The following NID2 variants were observed in gnomAD, a reference collection of about 807,000 sequenced individuals.
The protein encoded by NID2 is nidogen-2.
Under a neutral mutation model 145.4 loss-of-function variants are expected in NID2, and 83 were observed. That is an observed-to-expected ratio of 0.57 (90% CI 0.48 to 0.69). The LOEUF (loss-of-function observed/expected upper bound fraction) is 0.69, where lower values mean the gene tolerates loss of function less well. Among genes scored for constraint, NID2 ranks in the 30% least tolerant of loss-of-function variants. The pLI is 0.00. For synonymous variants in NID2, 739 were observed against 701.3 expected (o/e 1.05, Z -0.85); for missense variants, 1,807 against 1,765.7 (o/e 1.02, Z -0.42).
Position 52,040,835 on chromosome 14 carries a change from A to G in NID2, c.1842T>C (p.His614=). The change falls in exon 8 of 22, where the codon CAT becomes CAC. Residue 614 remains histidine (H), a synonymous_variant. Transcript: ENST00000216286. ...GFSLAGAAFT[H]DMEVTFYPGE... is the part of the protein sequence containing the mutation. ...CCGGGTAGAATGTAACTTCCATGTC[A>G]TGGGTAAAGGCAGCACCTGGAGATG... The G allele has an allele frequency of 1.2e-6, 2 of 1,614,188 alleles. No homozygotes were observed. The highest frequency in any genetic ancestry group is 1.7e-6 in the Non-Finnish European group (2 of 1,180,028).
chr14:52,053,641 G>A lies in NID2; in HGVS notation c.1367C>T (p.Thr456Ile), dbSNP rs775445837. 46 of 1,614,134 alleles carry A rather than the reference G, an allele frequency of 2.8e-5. No homozygotes were observed. Among genetic ancestry groups the A allele is most frequent in the Non-Finnish European group, 3.3e-5 (39 of 1,180,050 alleles). Residue 456 changes from threonine to isoleucine, a missense_variant, in exon 5 of 22, where the codon ACA becomes ATA. Coordinates refer to ENST00000216286, the MANE Select transcript of NID2 (RefSeq NM_007361.4). ...CTCATACGTCCCTCGACTTAAGGGT[G>A]TAGTGTGACCTGAAGCAGGGTAACT... ...LRSYPASGHTTPLSRGTYEVG... is the reference protein window; with the variant it reads ...LRSYPASGHTIPLSRGTYEVG...
At chr14:52,038,668 C>T (rs1182131204) in intron 9 of NID2, 79 bp downstream of exon 9, 1 of 1,150,394 alleles carries the variant, frequency 8.7e-7, no homozygotes, top group Non-Finnish European at 1.2e-6. Flanking sequence ...CTAGGTAACC[C>T]TTAGTAACCT....
chr14:52,040,885 AAG>A (rs774759243), intron 7 of NID2, 34 bp from the exon 8 acceptor site: 2 of 1,600,910 alleles, frequency 1.2e-6, no homozygotes, highest in African/African-American at 1.3e-5. Context: ...CAGGGATGAA[AAG>A]AGGTCTTGCT....
chr14:52,060,804 T>C (rs1405857812), intron 2 of NID2, among the ~76,000 whole-genome samples: 1 of 152,210 alleles, frequency 6.6e-6, no homozygotes, highest in African/African-American at 2.4e-5. Flanking sequence ...CATTCATCCA[T>C]TTATTAAATG....
At chr14:52,059,063 C>T (rs1463594470) in intron 3 of NID2, among the ~76,000 whole-genome samples, 2 of 152,138 alleles carry the variant, frequency 1.3e-5, no homozygotes, top group East Asian at 3.8e-4. Context: ...TTTGGCTTTG[C>T]CACTTAACTT....
intron 9 of NID2, among the ~76,000 whole-genome samples, chr14:52,029,998 A>T (rs1206565391): frequency 2.0e-5 from 3 of 152,136 alleles, no homozygotes; most frequent in Non-Finnish European, 4.4e-5. Context: ...ATTTCCTGTG[A>T]TTCTTGGGAT....
chr14:52,015,475 A>G (rs1010885791), intron 14 of NID2, among the ~76,000 whole-genome samples, 200 bp from the exon 15 acceptor site: 2 of 152,154 alleles, frequency 1.3e-5, no homozygotes, highest in African/African-American at 2.4e-5. Context: ...TCAGAAATAG[A>G]TCATGTGATG....
chr14:52,006,526 G>T lies in NID2; in HGVS notation c.4004+11C>A, dbSNP rs2140338128. On this transcript the variant is annotated intron_variant, in intron 20 of 21. Coordinates refer to ENST00000216286, the MANE Select transcript of NID2 (RefSeq NM_007361.4). ...GCCTTTTCAGGCTTGTCCAGAATTT[G>T]TGGGGCTCACCTCCTCCAGTCTGTG... 1 of 1,613,234 alleles carries T rather than the reference G, an allele frequency of 6.2e-7. No individual in the cohort carries two copies. Among genetic ancestry groups the T allele is most frequent in the East Asian group, 2.2e-5 (1 of 44,866 alleles).
chr14:52,056,902 G>A (rs553295528), intron 3 of NID2, among the ~76,000 whole-genome samples: 3 of 152,104 alleles, frequency 2.0e-5, no homozygotes, highest in South Asian at 4.1e-4. Context: ...AAATATACAC[G>A]TGTGAATTCG....
chr14:52,007,621 C>G (rs866162481), intron 19 of NID2, 189 bp downstream of exon 19: 3 of 603,540 alleles, frequency 5.0e-6, no homozygotes, highest in Non-Finnish European at 8.7e-6. Context: ...ATATCCTTCC[C>G]TCCACCCAAA....
chr14:52,030,590 G>T (rs1179451415), intron 9 of NID2, among the ~76,000 whole-genome samples: 631 of 30,886 alleles, frequency 0.02, 27 homozygotes, highest in Middle Eastern at 0.11. Context: ...AAGAAAGAAA[G>T]AAAGAAAGAA....
chr14:52,032,280 A>G (rs1891896225), intron 9 of NID2, among the ~76,000 whole-genome samples: 1 of 152,238 alleles, frequency 6.6e-6, no homozygotes, highest in Non-Finnish European at 1.5e-5. Context: ...GTTCACCACA[A>G]TGTTGTCGGC....
intron 5 of NID2, among the ~76,000 whole-genome samples, chr14:52,050,304 C>G (rs1042040312): frequency 6.6e-6 from 1 of 152,158 alleles, no homozygotes; most frequent in African/African-American, 2.4e-5. Flanking sequence ...TCTCTCCCTC[C>G]TTTCCTCCCT....
intron 11 of NID2, among the ~76,000 whole-genome samples, chr14:52,027,993 A>G (rs1891652345): frequency 6.6e-6 from 1 of 152,210 alleles, no homozygotes; most frequent in African/African-American, 2.4e-5. Flanking sequence ...GAAATACAGA[A>G]GAGGTAATTT....
At chr14:52,028,377 CA>C (rs1891669918) in intron 11 of NID2, among the ~76,000 whole-genome samples, 1 of 151,780 alleles carries the variant, frequency 6.6e-6, no homozygotes, top group Non-Finnish European at 1.5e-5. Context: ...TGCGCTCAAG[CA>C]ATCCTCCTAT....
At chr14:52,022,535 A>C (rs1263384832) in intron 12 of NID2, among the ~76,000 whole-genome samples, 2 of 152,130 alleles carry the variant, frequency 1.3e-5, no homozygotes, top group Non-Finnish European at 2.9e-5. Flanking sequence ...AAGGAGAAGG[A>C]GGCCACTGCT....
At chr14:52,028,351 T>A (rs200268698) in intron 11 of NID2, among the ~76,000 whole-genome samples, 30 of 151,942 alleles carry the variant, frequency 2.0e-4, no homozygotes, top group African/African-American at 7.3e-4. Context: ...GTCAGTTCAC[T>A]GCAACCTCTG....
At chr14:52,015,412 G>A in intron 14 of NID2, 137 bp from the exon 15 acceptor site, 1 of 729,774 alleles carries the variant, frequency 1.4e-6, no homozygotes, top group Non-Finnish European at 2.2e-6. Flanking sequence ...CCAAGCCCGT[G>A]GACACCAAAC....
intron 3 of NID2, among the ~76,000 whole-genome samples, chr14:52,057,083 G>T (rs2140426782): frequency 6.6e-6 from 1 of 152,186 alleles, no homozygotes; most frequent in Admixed American, 6.5e-5. Context: ...TGTCACCCAG[G>T]CTGGAGCATA....
Sources: allele counts gnomAD v4.1 joint callset (sites outside exome capture counted in the v4.1 genomes callset), GRCh38; gene constraint gnomAD v4.1.1; transcripts MANE v1.5; gene names NCBI Gene and HGNC (gene_info 2026-07-23, HGNC 2026-07-21).